Variants in DNAH6 observed in about 807,000 individuals in gnomAD.
DNAH6 encodes dynein axonemal heavy chain 6, also known as axonemal beta dynein heavy chain 6.
A neutral mutation model predicts 491.4 loss-of-function variants in DNAH6; 340 were observed. The ratio of observed to expected loss-of-function variants is 0.69; its 90% CI spans 0.63 to 0.76. The LOEUF is 0.76. DNAH6 is among the 30% of genes least tolerant of loss of function. DNAH6 has a pLI of 0.00. For synonymous variants in DNAH6, 1,603 were observed against 1,686.1 expected (o/e 0.95, Z 1.21); for missense variants, 4,443 against 4,972.2 (o/e 0.89, Z 3.20).
chr2:84,602,541 T>G (rs1410876546), intron 18 of DNAH6, among the ~76,000 whole-genome samples: 1 of 149,296 alleles, frequency 6.7e-6, no homozygotes, highest in African/African-American at 2.5e-5. Context: ...TCTCTTCATC[T>G]TGATTCTCAT....
At chr2:84,757,796 T>G (rs936527674) in intron 63 of DNAH6, among the ~76,000 whole-genome samples, 1 of 152,166 alleles carries the variant, frequency 6.6e-6, no homozygotes, top group Non-Finnish European at 1.5e-5. Context: ...GTACAGCCCC[T>G]TCTTCCACCT....
At chr2:84,674,142 T>C (rs559544190) in intron 40 of DNAH6, among the ~76,000 whole-genome samples, 7 of 152,282 alleles carry the variant, frequency 4.6e-5, no homozygotes, top group Non-Finnish European at 1.0e-4. Flanking sequence ...TTCTAAGGAT[T>C]TCCCACCTAC....
At chr2:84,498,199 CT>C in the DNAH6 span, among the ~76,000 whole-genome samples, 6 of 152,230 alleles carry the variant, frequency 3.9e-5, no homozygotes, top group Admixed American at 2.0e-4. Flanking sequence ...CCCAATCCCT[CT>C]TCCATGAATC....
chr2:84,522,146 C>T (rs1676208521), intron 2 of DNAH6, among the ~76,000 whole-genome samples: 1 of 151,854 alleles, frequency 6.6e-6, no homozygotes, highest in South Asian at 2.1e-4. Flanking sequence ...ATCTCTGATT[C>T]CTTTGAGCAG....
chr2:84,670,462 A>G lies in DNAH6; in HGVS notation c.6441A>G (p.Arg2147=). The G allele has an allele frequency of 6.5e-7, 1 of 1,528,626 alleles. No homozygotes were observed. The highest frequency in any genetic ancestry group is 1.3e-5 in the South Asian group (1 of 78,848). 94.7% of individuals were successfully genotyped at this position (1,528,626 alleles called of 1,614,324 possible). A position where few individuals can be genotyped will look rare whatever the true frequency, so the allele number is the denominator to read the frequency against. The change falls in exon 39 of 77, where the codon AGA becomes AGG. Residue 2147 remains arginine (R), a synonymous_variant. Coordinates refer to ENST00000389394, the MANE Select transcript of DNAH6 (RefSeq NM_001370.2). ...EIIESKLERK[R]KNILGAPGNK... is the part of the protein sequence containing the mutation. ...TTGAGTCAAAACTGGAGAGAAAAAG[A>G]AAAAATATTCTAGGTAAGAATCATT...
intron 2 of DNAH6, among the ~76,000 whole-genome samples, chr2:84,519,550 G>A (rs532677502): frequency 6.6e-6 from 1 of 151,806 alleles, no homozygotes. Flanking sequence ...ATGTATTTTT[G>A]TTATTGACTT....
intron 11 of DNAH6, among the ~76,000 whole-genome samples, chr2:84,567,966 G>A (rs1196613175): frequency 6.6e-6 from 1 of 152,046 alleles, no homozygotes; most frequent in Non-Finnish European, 1.5e-5. Flanking sequence ...AATACATTAT[G>A]TGGCATATAT....
At position 84,701,193 on chromosome 2, in the gene DNAH6, G is replaced by C; in HGVS notation, c.7915G>C (p.Val2639Leu). 6.4e-7 allele frequency: 1 copy of C among 1,551,784 alleles called. No homozygotes were observed. The highest frequency in any genetic ancestry group is 8.7e-7 in the Non-Finnish European group (1 of 1,147,008). The change falls in exon 49 of 77, where the codon GTG (valine) becomes CTG (leucine). Residue 2639 changes from valine (V) to leucine (L), a missense_variant. Physicochemically the swap from Val to Leu is conservative, Grantham distance 32. This residue lies in a region of DNAH6 where 2,977 missense variants were observed against 3,296.6 expected (regional missense o/e 0.90). Coordinates refer to ENST00000389394, the MANE Select transcript of DNAH6 (RefSeq NM_001370.2). ...GAAAGAAAAGCTTCCCTTGATGTGC[G>C]TGAACGTTCACTTGAGTGTCTCCAG... is the stretch of plus-strand genomic sequence containing the variant. ...ELKEKLPLMC[V>L]NVHLSVSSMA...
the DNAH6 span, among the ~76,000 whole-genome samples, chr2:84,480,366 C>T: frequency 6.6e-6 from 1 of 151,988 alleles, no homozygotes; most frequent in African/African-American, 2.4e-5. Flanking sequence ...TATTTCTATC[C>T]AGCAGAAAAG....
At chr2:84,679,668 A>G (rs1487076578) in intron 41 of DNAH6, among the ~76,000 whole-genome samples, 1 of 152,238 alleles carries the variant, frequency 6.6e-6, no homozygotes, top group East Asian at 1.9e-4. Context: ...TAAGTAGAAT[A>G]CTAGGCTGTG....
rs866419031 is a variant in DNAH6 at position 84,704,077 on chromosome 2, CTG to C, written c.8243_8244del (p.Val2748AlafsTer4). The C allele has an allele frequency of 1.9e-6, 3 of 1,551,512 alleles. No homozygotes were observed. Among genetic ancestry groups the C allele is most frequent in the Non-Finnish European group, 2.6e-6 (3 of 1,146,918 alleles). ...TGTTTCAATGGTTAGGTCCGTAACA[CTG>C]TGCAGGAGGATGAAGCAACAGCAAA... On this transcript the variant is annotated frameshift_variant, in exon 51 of 77. Transcript: ENST00000389394. LOFTEE classifies it high-confidence loss of function.
chr2:84,579,140 C>G (rs1324166282), intron 13 of DNAH6, among the ~76,000 whole-genome samples: 3 of 152,170 alleles, frequency 2.0e-5, no homozygotes, highest in Non-Finnish European at 2.9e-5. Flanking sequence ...TTTGCCAAGT[C>G]ATCAGTCAGA....
intron 63 of DNAH6, among the ~76,000 whole-genome samples, chr2:84,760,685 G>T (rs574390638): frequency 6.6e-6 from 1 of 152,106 alleles, no homozygotes; most frequent in Non-Finnish European, 1.5e-5. Context: ...AGAGAAAAGG[G>T]AATACACATT....
chr2:84,560,328 T>G (rs367658353), intron 11 of DNAH6, among the ~76,000 whole-genome samples: 2 of 151,910 alleles, frequency 1.3e-5, no homozygotes, highest in South Asian at 2.1e-4. Flanking sequence ...ACATACGAAG[T>G]AAGGCAATAA....
rs1688697831 is a variant in DNAH6, at chr2:84,634,538, CAGGGGCCTGGTGCTGCTTTGATGAATTT to C, written c.4552_4579del (p.Gly1518IlefsTer5). 1.7e-5 allele frequency: 27 copies of C among 1,548,692 alleles called. No individual in the cohort carries two copies. Among genetic ancestry groups the C allele is most frequent in the Non-Finnish European group, 2.4e-5 (27 of 1,145,922 alleles). ...CGCTTCTTCAGTGGCTTGGCACAGT[CAGGGGCCTGGTGCTGCTTTGATGAATTT>C]AATCGAATTGACATAGAAGTTCTGT... is the stretch of plus-strand genomic sequence containing the variant. On this transcript the variant is annotated frameshift_variant, in exon 30 of 77. Coordinates refer to ENST00000389394, the MANE Select transcript of DNAH6 (RefSeq NM_001370.2). LOFTEE classifies it high-confidence loss of function.
rs1349638504 is a variant in DNAH6 at position 84,685,554 on chromosome 2, AAG to A, written c.7063+84_7063+85del. On this transcript the variant is annotated intron_variant, in intron 43 of 76. Transcript: ENST00000389394. Reference sequence around the variant, plus strand: ...TTCTACAAAGAACAATTAACACAAAAAGAATTTTCATAATTTATGAGTAAAAG... The same window carrying A: ...TTCTACAAAGAACAATTAACACAAAAAATTTTCATAATTTATGAGTAAAAG... The A allele has an allele frequency of 4.8e-6, 4 of 825,184 alleles. No individual in the cohort carries two copies. In the Admixed American group the frequency reaches 1.1e-4, roughly 23 times the overall value. 51.1% of individuals were successfully genotyped at this position (825,184 alleles called of 1,614,324 possible).
chr2:84,572,324 T>G (rs1681980421), intron 11 of DNAH6, among the ~76,000 whole-genome samples: 2 of 152,242 alleles, frequency 1.3e-5, no homozygotes, highest in Admixed American at 1.3e-4. Context: ...TTCTTTGTAC[T>G]ATTCCAGTAA....
intron 62 of DNAH6, among the ~76,000 whole-genome samples, chr2:84,742,023 C>T (rs1672573322): frequency 6.6e-6 from 1 of 152,226 alleles, no homozygotes; most frequent in Non-Finnish European, 1.5e-5. Context: ...TCCTTACTTA[C>T]TTCTGGTACT....
chr2:84,623,696 G>A (rs1034390821), intron 26 of DNAH6, among the ~76,000 whole-genome samples: 1 of 152,078 alleles, frequency 6.6e-6, no homozygotes, highest in African/African-American at 2.4e-5. Context: ...TCAGCACAAT[G>A]GTGCAAGGTC....
Sources: gnomAD v4.1 joint callset for allele counts (sites outside exome capture counted in the v4.1 genomes callset) on GRCh38, gnomAD v4.1.1 for gene constraint, gnomAD v4.1.1 regional missense constraint, MANE v1.5 for transcripts, NCBI Gene and HGNC (gene_info 2026-07-23, HGNC 2026-07-21) for gene names.